Variants in NCOA1 observed in about 807,000 individuals in gnomAD.
The protein encoded by NCOA1 is nuclear receptor coactivator 1.
Under a neutral mutation model 150.9 loss-of-function variants are expected in NCOA1, and 35 were observed. The ratio of observed to expected loss-of-function variants is 0.23; its 90% CI spans 0.18 to 0.31. NCOA1 has a LOEUF of 0.31. Ranked by LOEUF, NCOA1 falls within the 10% of genes least tolerant of loss-of-function variation. The pLI, the probability that NCOA1 is intolerant of heterozygous loss-of-function variation, is 1.00. For synonymous variants in NCOA1, 590 were observed against 630.0 expected, an observed-to-expected ratio of 0.94 and a Z score of 0.95; for missense variants, 1,491 against 1,749.3, an observed-to-expected ratio of 0.85 and a Z score of 2.63.
intron 3 of NCOA1, among the ~76,000 whole-genome samples, chr2:24,634,238 A>C (rs1669834108): frequency 6.6e-6 from 1 of 152,208 alleles, no homozygotes; most frequent in Non-Finnish European, 1.5e-5. Context: ...GGTAGGCTTG[A>C]GTATGGGGAC....
intron 3 of NCOA1, among the ~76,000 whole-genome samples, chr2:24,591,367 G>T (rs1015757267): frequency 1.3e-5 from 2 of 152,164 alleles, no homozygotes; most frequent in African/African-American, 4.8e-5. Context: ...CAAGTTTCTT[G>T]ATCTCTCTGT....
chr2:24,548,151 AAGAG>A (rs1558784278), intron 1 of NCOA1, among the ~76,000 whole-genome samples: 1 of 152,150 alleles, frequency 6.6e-6, no homozygotes, highest in African/African-American at 2.4e-5. Context: ...CAATTTACAA[AAGAG>A]AGAGGTTTAA....
At chr2:24,614,415 A>G (rs906783839) in intron 3 of NCOA1, among the ~76,000 whole-genome samples, 2 of 150,146 alleles carry the variant, frequency 1.3e-5, no homozygotes, top group African/African-American at 4.9e-5. Flanking sequence ...TTGTTTGGAG[A>G]GACAGGGTTT....
intron 3 of NCOA1, among the ~76,000 whole-genome samples, chr2:24,620,896 A>G (rs1040475232): frequency 1.3e-5 from 2 of 152,194 alleles, no homozygotes; most frequent in Admixed American, 1.3e-4. Flanking sequence ...CTACTTAAGT[A>G]AGAATTGCAT....
At chr2:24,605,291 A>C (rs1668315155) in intron 3 of NCOA1, among the ~76,000 whole-genome samples, 1 of 152,236 alleles carries the variant, frequency 6.6e-6, no homozygotes, top group African/African-American at 2.4e-5. Context: ...ACAAACCTTC[A>C]ATTTGTAAAA....
At chr2:24,691,805 T>C in intron 9 of NCOA1, 145 bp downstream of exon 9, 2 of 688,328 alleles carry the variant, frequency 2.9e-6, no homozygotes, top group Non-Finnish European at 4.5e-6. Flanking sequence ...TTGCTATATA[T>C]TCTTAATACT....
At chr2:24,729,840 A>G in intron 17 of NCOA1, 25 bp downstream of exon 17, 1 of 1,576,756 alleles carries the variant, frequency 6.3e-7, no homozygotes, top group Non-Finnish European at 8.6e-7. Flanking sequence ...TTAGCAGTTG[A>G]TACTTTTTTT....
In NCOA1 at chr2:24,716,210, G is replaced by A. The variant is rs536335722; in HGVS notation, c.2599+5099G>A. Among the ~76,000 whole-genome samples the A allele has an allele frequency of 5.1e-4, 76 of 147,730 alleles. 1 individual carries two copies. The highest frequency in any genetic ancestry group is 5.9e-4 in the Non-Finnish European group (40 of 67,282). ...AAATTTGACAAGCTTTTTCTAAAGT[G>A]TATATGAGAATGCAAAGGTCCTGAA... On this transcript the variant is annotated intron_variant, in intron 14 of 22. Coordinates refer to ENST00000348332, the MANE Select transcript of NCOA1 (RefSeq NM_003743.5).
chr2:24,759,927 T>C (rs56124421), intron 21 of NCOA1, among the ~76,000 whole-genome samples: 1 of 151,800 alleles, frequency 6.6e-6, no homozygotes, highest in East Asian at 1.9e-4. Flanking sequence ...TTTTCTTTAG[T>C]CAATTATAAA....
intron 3 of NCOA1, among the ~76,000 whole-genome samples, chr2:24,640,600 G>A (rs1273121145): frequency 6.6e-6 from 1 of 152,098 alleles, no homozygotes; most frequent in Non-Finnish European, 1.5e-5. Context: ...TTAAGCCTGG[G>A]AGCTCAAGAC....
At chr2:24,701,615 A>G (rs188110645) in intron 11 of NCOA1, among the ~76,000 whole-genome samples, 152 of 152,306 alleles carry the variant, frequency 1.0e-3, no homozygotes, top group Admixed American at 3.5e-3. Flanking sequence ...CAAAATTTTA[A>G]CTGTTTATCT....
In NCOA1 at chr2:24,495,103, G is replaced by GT. The variant is rs770141833; in HGVS notation, c.-396+3513dup. On this transcript the variant is annotated intron_variant, in intron 1 of 22. Coordinates refer to ENST00000348332, the MANE Select transcript of NCOA1 (RefSeq NM_003743.5). ...AAGGAGATGAAGGTGTTTTTTTTTTGTTTTTTTTTTTTAATAGCTTAGTTC... is the reference window on the plus strand; with the variant it reads ...AAGGAGATGAAGGTGTTTTTTTTTTGTTTTTTTTTTTTTAATAGCTTAGTTC... Among the ~76,000 whole-genome samples, 85 of 117,434 alleles carry GT rather than the reference G, an allele frequency of 7.2e-4. 1 individual carries two copies. Among genetic ancestry groups the GT allele is most frequent in the African/African-American group, 2.5e-3 (73 of 29,748 alleles). 77.0% of individuals were successfully genotyped at this position (117,434 alleles called of 152,430 possible).
rs1331718931 is a variant in NCOA1, at chr2:24,739,548, C to G, written c.3303+15C>G. The G allele has an allele frequency of 6.3e-7, 1 of 1,580,268 alleles. No individual in the cohort carries two copies. The highest frequency in any genetic ancestry group is 1.1e-5 in the South Asian group (1 of 90,390). The stretch of plus-strand genomic sequence containing the variant: ...TTACACCTCAGGTAATGTGAGAAAA[C>G]CAGACGTCATTAGTACTTCTTTAAC... On this transcript the variant is annotated intron_variant, in intron 18 of 22. Coordinates refer to ENST00000348332, the MANE Select transcript of NCOA1 (RefSeq NM_003743.5).
chr2:24,530,227 C>G (rs1278536175), intron 1 of NCOA1, among the ~76,000 whole-genome samples: 1 of 152,196 alleles, frequency 6.6e-6, no homozygotes, highest in Non-Finnish European at 1.5e-5. Context: ...AATGATCACT[C>G]TGTTCACTGT....
At chr2:24,700,002 G>A (rs560961463) in intron 11 of NCOA1, among the ~76,000 whole-genome samples, 42 of 152,174 alleles carry the variant, frequency 2.8e-4, no homozygotes, top group African/African-American at 9.4e-4. Context: ...AAATTAGCGC[G>A]CATGGTGGCG....
At chr2:24,630,544 G>C (rs1669662337) in intron 3 of NCOA1, among the ~76,000 whole-genome samples, 1 of 152,080 alleles carries the variant, frequency 6.6e-6, no homozygotes, top group Non-Finnish European at 1.5e-5. Flanking sequence ...CTTTATTACT[G>C]GTCCACTGGT....
chr2:24,509,370 T>C (rs1173336186), intron 1 of NCOA1, among the ~76,000 whole-genome samples: 1 of 152,242 alleles, frequency 6.6e-6, no homozygotes, highest in Non-Finnish European at 1.5e-5. Context: ...AAAGTGGGTA[T>C]ACAAATAGCT....
Position 24,708,119 on chromosome 2 carries a change from T to G in NCOA1, c.2418+231T>G, listed in dbSNP as rs1415331078. ...GAATTATAAAAAAGGAAATTTTTCT[T>G]TCTCTATAAAATCAGTGTTCACATC... is the stretch of plus-strand genomic sequence containing the variant. On this transcript the variant is annotated intron_variant, in intron 13 of 22. Transcript: ENST00000348332. 2.0e-5 allele frequency among the ~76,000 whole-genome samples: 3 copies of G among 152,306 alleles called. No homozygotes were observed. The East Asian group carries it at 5.8e-4, about 29-fold the overall frequency.
chr2:24,565,273 G>A (rs1353528482), intron 2 of NCOA1, among the ~76,000 whole-genome samples: 1 of 152,148 alleles, frequency 6.6e-6, no homozygotes, highest in Non-Finnish European at 1.5e-5. Flanking sequence ...TGAGTTAGGT[G>A]TTTATTTAAA....
Sources: gnomAD v4.1 joint callset for allele counts (sites outside exome capture counted in the v4.1 genomes callset) on GRCh38, gnomAD v4.1.1 for gene constraint, MANE v1.5 for transcripts, NCBI Gene and HGNC (gene_info 2026-07-23, HGNC 2026-07-21) for gene names.